USP34: variants seen among roughly 807,000 people sequenced by gnomAD.
USP34 encodes the protein ubiquitin carboxyl-terminal hydrolase 34.
USP34 carries 70 observed loss-of-function variants against 460.3 expected under a neutral mutation model. The observed-to-expected ratio is 0.15, with a 90% CI of 0.13 to 0.19. The LOEUF (loss-of-function observed/expected upper bound fraction) is 0.19, where lower values mean the gene tolerates loss of function less well. Among genes scored for constraint, USP34 ranks in the 10% least tolerant of loss-of-function variants. USP34 has a pLI of 1.00. For missense variants in USP34, 3,985 were observed against 4,236.2 expected, an observed-to-expected ratio of 0.94 and a Z score of 1.65; for synonymous variants, 1,647 against 1,405.3, an observed-to-expected ratio of 1.17 and a Z score of -3.85.
At chr2:61,210,931 C>T (rs1220190700) in intron 69 of USP34, among the ~76,000 whole-genome samples, 2 of 152,144 alleles carry the variant, frequency 1.3e-5, no homozygotes, top group Non-Finnish European at 2.9e-5. Flanking sequence ...GTTGCCCAGG[C>T]TGCTCTAAAT....
intron 10 of USP34, among the ~76,000 whole-genome samples, chr2:61,365,327 GTA>G (rs1183863553): frequency 1.5e-4 from 21 of 139,912 alleles, no homozygotes; most frequent in Non-Finnish European, 3.0e-4. Flanking sequence ...GTGTGTGTGT[GTA>G]TATATGTATG....
At chr2:61,279,923 C>T (rs1365392248) in intron 39 of USP34, among the ~76,000 whole-genome samples, 1 of 152,164 alleles carries the variant, frequency 6.6e-6, no homozygotes, top group Non-Finnish European at 1.5e-5. Flanking sequence ...AAACTACATG[C>T]TATTATAGAA....
intron 27 of USP34, 40 bp from the exon 28 acceptor site, chr2:61,301,494 G>C (rs766548503): frequency 2.6e-6 from 4 of 1,553,064 alleles, no homozygotes; most frequent in Admixed American, 1.7e-5. Flanking sequence ...TTGTTTTTAA[G>C]AATTAACTTA....
intron 41 of USP34, among the ~76,000 whole-genome samples, chr2:61,272,410 C>CAAA (rs768984469): frequency 7.3e-5 from 6 of 82,634 alleles, no homozygotes; most frequent in African/African-American, 9.8e-5. Flanking sequence ...GACCCCATCT[C>CAAA]AAAAAAAAAA....
At chr2:61,294,301 G>A (rs572512610) in intron 32 of USP34, among the ~76,000 whole-genome samples, 74 of 148,288 alleles carry the variant, frequency 5.0e-4, no homozygotes, top group South Asian at 1.7e-3. Context: ...AGCAGAGATC[G>A]CGCTGCTGCA....
At chr2:61,443,456 ATTT>A (rs1320288614) in intron 1 of USP34, among the ~76,000 whole-genome samples, 1 of 150,480 alleles carries the variant, frequency 6.6e-6, no homozygotes, top group Non-Finnish European at 1.5e-5. Context: ...ATTAAAATAA[ATTT>A]TTTAAAAAGC....
intron 1 of USP34, among the ~76,000 whole-genome samples, chr2:61,450,071 A>C (rs1449842141): frequency 7.1e-6 from 1 of 140,676 alleles, no homozygotes; most frequent in Non-Finnish European, 1.5e-5. Context: ...GTCTCAAAAA[A>C]TAAAAATAAA....
chr2:61,407,595 C>T (rs1203187326), intron 2 of USP34, among the ~76,000 whole-genome samples: 2 of 152,176 alleles, frequency 1.3e-5, no homozygotes, highest in African/African-American at 2.4e-5. Context: ...AGTACAGCCA[C>T]AAATTACTTG....
chr2:61,213,007 C>G (rs1687311653), intron 68 of USP34, among the ~76,000 whole-genome samples: 1 of 152,128 alleles, frequency 6.6e-6, no homozygotes, highest in African/African-American at 2.4e-5. Context: ...TACACTCACT[C>G]TCTTTCCTGC....
intron 19 of USP34, among the ~76,000 whole-genome samples, chr2:61,331,636 T>A: frequency 6.6e-6 from 1 of 152,182 alleles, no homozygotes; most frequent in Middle Eastern, 3.4e-3. Flanking sequence ...TTTGAGTTAA[T>A]ATTAAAAGTA....
chr2:61,203,203 T>G lies in USP34; in HGVS notation c.9445A>C (p.Ile3149Leu). 1 of 1,602,140 alleles carries G rather than the reference T, an allele frequency of 6.2e-7. No individual in the cohort carries two copies. Among genetic ancestry groups the G allele is most frequent in the Non-Finnish European group, 8.5e-7 (1 of 1,174,564 alleles). Reference protein sequence around the residue: ...LDYFFSYHQFIHLLCRVAINC... With the variant: ...LDYFFSYHQFLHLLCRVAINC... ...ATTGCAACTCGGCATAATAGATGGA[T>G]GAACTGATGATAAGAAAAGAAGTAG... Residue 3149 changes from isoleucine to leucine, a missense_variant, in exon 75 of 80, where the codon ATC (isoleucine) becomes CTC (leucine). Transcript: ENST00000398571.
chr2:61,451,450 C>CA (rs1695274202), intron 1 of USP34, among the ~76,000 whole-genome samples: 12 of 150,528 alleles, frequency 8.0e-5, no homozygotes, highest in Admixed American at 7.9e-4. Context: ...TTCGGGAGGC[C>CA]AAGGTGGGCG....
chr2:61,267,065 T>C (rs1180508110), intron 41 of USP34, among the ~76,000 whole-genome samples: 4 of 152,194 alleles, frequency 2.6e-5, no homozygotes, highest in Admixed American at 1.3e-4. Context: ...TGGTATACAA[T>C]ACATCACATG....
chr2:61,432,787 A>G (rs553489442), intron 1 of USP34, among the ~76,000 whole-genome samples: 51 of 152,210 alleles, frequency 3.4e-4, no homozygotes, highest in African/African-American at 1.0e-3. Context: ...TGATGGGTAC[A>G]TAAGTGTTCA....
At chr2:61,413,700 CGAGT>C (rs1340553185) in intron 2 of USP34, among the ~76,000 whole-genome samples, 1 of 136,750 alleles carries the variant, frequency 7.3e-6, no homozygotes, top group African/African-American at 2.8e-5. Flanking sequence ...CAAAAGAGGC[CGAGT>C]GAGTGGCTCA....
intron 67 of USP34, among the ~76,000 whole-genome samples, chr2:61,218,936 T>C (rs1687479840): frequency 6.6e-6 from 1 of 152,184 alleles, no homozygotes; most frequent in Non-Finnish European, 1.5e-5. Context: ...TAAAGTTACT[T>C]CCTCCACACC....
At chr2:61,205,876 C>T (rs1212701568) in intron 72 of USP34, 141 bp downstream of exon 72, 1 of 589,730 alleles carries the variant, frequency 1.7e-6, no homozygotes, top group Non-Finnish European at 3.0e-6. Context: ...TCTTTATTTT[C>T]TTAGGACCTG....
At position 61,228,652 on chromosome 2, in the gene USP34, G is replaced by A; in HGVS notation, c.7436C>T (p.Pro2479Leu). 2 of 1,611,012 alleles carry A rather than the reference G, an allele frequency of 1.2e-6. No homozygotes were observed. Among genetic ancestry groups the A allele is most frequent in the East Asian group, 2.2e-5 (1 of 44,828 alleles). The change falls in exon 61 of 80, where the codon CCT becomes CTT. Residue 2479 changes from proline to leucine, a missense_variant. Pro to Leu is a moderately conservative substitution (Grantham distance 98). Around this residue, in one of 14 missense-constraint regions of USP34, gnomAD observed 604 missense variants for 684.8 expected, o/e 0.88. Transcript: ENST00000398571. ...CGATAGAACTGTACTTACATTTTCAGGTCCTTTTGTTCCCATGTAAAAATG... is the reference window on the plus strand; with the variant it reads ...CGATAGAACTGTACTTACATTTTCAAGTCCTTTTGTTCCCATGTAAAAATG... The part of the protein sequence containing the change: ...MVHFYMGTKG[P>L]ENPQVEVLSE...
intron 1 of USP34, among the ~76,000 whole-genome samples, chr2:61,470,283 C>A (rs1006240102): frequency 3.9e-5 from 6 of 152,206 alleles, no homozygotes; most frequent in African/African-American, 7.2e-5. Flanking sequence ...AGGAAAGCCT[C>A]GTCCTCCGAC....
Sources: allele counts gnomAD v4.1 joint callset (sites outside exome capture counted in the v4.1 genomes callset), GRCh38; gene constraint gnomAD v4.1.1; regional missense constraint gnomAD v4.1.1; transcripts MANE v1.5; gene names NCBI Gene and HGNC (gene_info 2026-07-23, HGNC 2026-07-21).